The following SIDT1 variants were observed in gnomAD, a reference collection of about 807,000 sequenced individuals.
SIDT1 encodes the protein SID1 transmembrane family, member 1.
In SIDT1, 101 loss-of-function variants were observed where a neutral mutation model predicts 107.5. The observed-to-expected ratio is 0.94, with a 90% CI of 0.80 to 1.11. The LOEUF (loss-of-function observed/expected upper bound fraction) is 1.11. Among genes scored for constraint, SIDT1 ranks in the 50% least tolerant of loss-of-function variants. The pLI is 0.00. For synonymous variants in SIDT1, 395 were observed against 398.2 expected, an observed-to-expected ratio of 0.99 and a Z score of 0.10; for missense variants, 1,076 against 1,058.2, an observed-to-expected ratio of 1.02 and a Z score of -0.23.
At chr3:113,537,253 T>C (rs1377298633) in intron 1 of SIDT1, among the ~76,000 whole-genome samples, 2 of 152,202 alleles carry the variant, frequency 1.3e-5, no homozygotes, top group East Asian at 1.9e-4. Context: ...TAATGACATA[T>C]ATTATACTTT....
chr3:113,601,703 G>T (rs1423427118), intron 11 of SIDT1, 44 bp downstream of exon 11: 4 of 1,422,730 alleles, frequency 2.8e-6, no homozygotes, highest in East Asian at 2.3e-5. Flanking sequence ...TCCTAATTCT[G>T]CAGAGAATAT....
chr3:113,533,302 C>T (rs1467609748), intron 1 of SIDT1, 59 bp downstream of exon 1: 1 of 1,290,730 alleles, frequency 7.7e-7, no homozygotes, highest in Non-Finnish European at 1.0e-6. Context: ...AGAGCCCCGT[C>T]GCTGCTTTGG....
intron 6 of SIDT1, among the ~76,000 whole-genome samples, 179 bp from the exon 7 acceptor site, chr3:113,583,230 T>C (rs535157682): frequency 6.6e-6 from 1 of 152,318 alleles, no homozygotes; most frequent in South Asian, 2.1e-4. Flanking sequence ...ACAATTATCT[T>C]AGAGTGGATA....
chr3:113,596,350 A>AT (rs1560095796), intron 10 of SIDT1, among the ~76,000 whole-genome samples: 1 of 152,228 alleles, frequency 6.6e-6, no homozygotes, highest in African/African-American at 2.4e-5. Flanking sequence ...GCTACTCTGC[A>AT]TTTGTTTTTC....
At chr3:113,618,524 G>A (rs761325266) in intron 20 of SIDT1, among the ~76,000 whole-genome samples, 15 of 152,206 alleles carry the variant, frequency 9.9e-5, no homozygotes, top group Non-Finnish European at 1.8e-4. Flanking sequence ...TGGCTGTACC[G>A]TTTTGCATTC....
At chr3:113,631,161 GTCTCTGCCCTGGGAA>G (rs1174492335), downstream of SIDT1, among the ~76,000 whole-genome samples, 2 of 152,140 alleles carry the variant, frequency 1.3e-5, no homozygotes, top group African/African-American at 4.8e-5. Context: ...CATCACTGCT[GTCTCTGCCCTGGGAA>G]TCTCAAGAAA....
chr3:113,601,790 T>G, intron 11 of SIDT1, 131 bp downstream of exon 11: 1 of 580,962 alleles, frequency 1.7e-6, no homozygotes, highest in Non-Finnish European at 3.0e-6. Flanking sequence ...CTTTTATTTG[T>G]AAGATGAGTT....
chr3:113,604,785 G>A, intron 13 of SIDT1, 125 bp from the exon 14 acceptor site: 3 of 1,026,300 alleles, frequency 2.9e-6, no homozygotes, highest in Non-Finnish European at 4.4e-6. Context: ...CACATAATCA[G>A]CTTCTGGTTA....
chr3:113,606,171 T>A (rs1945318570), intron 14 of SIDT1, among the ~76,000 whole-genome samples: 1 of 152,208 alleles, frequency 6.6e-6, no homozygotes, highest in African/African-American at 2.4e-5. Flanking sequence ...CCAAGGTCAC[T>A]TATATGGCCT....
At chr3:113,576,138 A>G (rs2107469978) in intron 3 of SIDT1, among the ~76,000 whole-genome samples, 1 of 152,364 alleles carries the variant, frequency 6.6e-6, no homozygotes, top group South Asian at 2.1e-4. Flanking sequence ...AGCCCTCTAT[A>G]CTACCAATTT....
chr3:113,580,703 T>C lies in SIDT1; in HGVS notation c.657T>C (p.Asn219=), dbSNP rs1269972608. ...CATGTTCTGTTGTCTCAGTCCAGAA[T>C]ATCATGGTGAGTGCTGATAACTTGC... ...AYPCSVVSVQ[N]IMCPVYDLDH... is the part of the protein sequence containing the mutation. Residue 219 remains asparagine, a synonymous_variant, in exon 5 of 25, where the codon AAT becomes AAC. Coordinates refer to ENST00000264852, the MANE Select transcript of SIDT1 (RefSeq NM_017699.3). 3.1e-6 allele frequency: 5 copies of C among 1,604,132 alleles called. No individual in the cohort carries two copies. The East Asian group carries it at 1.1e-4, about 36-fold the overall frequency.
chr3:113,533,231 C>A lies in SIDT1; in HGVS notation c.210C>A (p.Ser70Arg). 1 of 1,485,484 alleles carries A rather than the reference C, an allele frequency of 6.7e-7. No homozygotes were observed. Among genetic ancestry groups the A allele is most frequent in the Non-Finnish European group, 9.0e-7 (1 of 1,112,892 alleles). 92.0% of individuals were successfully genotyped at this position (1,485,484 alleles called of 1,614,324 possible). A position where few individuals can be genotyped will look rare whatever the true frequency, so the allele number is the denominator to read the frequency against. Residue 70 changes from serine to arginine, a missense_variant, in exon 1 of 25, where the codon AGC becomes AGA. By Grantham distance (110) the Ser-to-Arg change is moderately radical. Coordinates refer to ENST00000264852, the MANE Select transcript of SIDT1 (RefSeq NM_017699.3). ...ACATCTACTCTTTCAACTACACCAG[C>A]CAGCCCGACCAGGTAAGACACTCGC... The part of the protein sequence containing the change: ...TENIYSFNYT[S>R]QPDQVTAVRV...
At chr3:113,542,441 G>C (rs1939022540) in intron 1 of SIDT1, among the ~76,000 whole-genome samples, 1 of 151,880 alleles carries the variant, frequency 6.6e-6, no homozygotes, top group Admixed American at 6.6e-5. Context: ...TAAATATGCT[G>C]TCTGAATTTA....
intron 1 of SIDT1, among the ~76,000 whole-genome samples, chr3:113,549,630 A>G (rs903919119): frequency 1.3e-5 from 2 of 152,180 alleles, no homozygotes; most frequent in South Asian, 2.1e-4. Context: ...AGTTCTTTGT[A>G]GATTTTGGAT....
rs114877108 is a variant in SIDT1, at chr3:113,568,631, A to G, written c.515+921A>G. On this transcript the variant is annotated intron_variant, in intron 3 of 24. Transcript: ENST00000264852. ...GAAAAGAAAAGAAAAGAAAAGAAAA[A>G]AAACAGAAATGTAAATTAAAACCAT... Among the ~76,000 whole-genome samples the G allele has an allele frequency of 9.0e-3, 1,274 of 140,806 alleles. 20 individuals are homozygous for G. Among genetic ancestry groups the G allele is most frequent in the African/African-American group, 0.03 (1,188 of 39,706 alleles). 92.4% of individuals were successfully genotyped at this position (140,806 alleles called of 152,430 possible).
intron 2 of SIDT1, among the ~76,000 whole-genome samples, chr3:113,566,836 T>A (rs1286378964): frequency 6.6e-6 from 1 of 152,186 alleles, no homozygotes; most frequent in Non-Finnish European, 1.5e-5. Flanking sequence ...AGCCCTCCAA[T>A]GGGCTATGTC....
At chr3:113,622,306 T>C (rs142028772) in intron 21 of SIDT1, among the ~76,000 whole-genome samples, 1,937 of 151,398 alleles carry the variant, frequency 0.013, 39 homozygotes, top group African/African-American at 0.045. Flanking sequence ...CTACTAAAAA[T>C]ACAAAAAATT....
chr3:113,560,981 G>A lies in SIDT1; in HGVS notation c.223-5439G>A, dbSNP rs995577443. Among the ~76,000 whole-genome samples the A allele has an allele frequency of 3.3e-5, 5 of 152,238 alleles. 1 individual carries two copies. Among genetic ancestry groups the A allele is most frequent in the Admixed American group, 3.3e-4 (5 of 15,288 alleles). On this transcript the variant is annotated intron_variant, in intron 1 of 24. Transcript: ENST00000264852. ...CTAGCTATAATTCAATTTCCTGCTT[G>A]TAGTAAACACAGGAAACAGACAAGA...
intron 4 of SIDT1, among the ~76,000 whole-genome samples, chr3:113,577,503 CA>C (rs71633328): frequency 1.3e-5 from 2 of 152,008 alleles, no homozygotes; most frequent in Non-Finnish European, 2.9e-5. Flanking sequence ...AGAATTTTGA[CA>C]AAAAACATCA....
Sources: gnomAD v4.1 joint callset for allele counts (sites outside exome capture counted in the v4.1 genomes callset) on GRCh38, gnomAD v4.1.1 for gene constraint, MANE v1.5 for transcripts, NCBI Gene and HGNC (gene_info 2026-07-23, HGNC 2026-07-21) for gene names.